The following TYW1 variants were observed in gnomAD, a reference collection of about 807,000 sequenced individuals.
TYW1 encodes tRNA-yW synthesizing protein 1 homolog.
In TYW1, 46 loss-of-function variants were observed where a neutral mutation model predicts 96.2. The observed-to-expected ratio is 0.48, with a 90% CI of 0.38 to 0.61. TYW1 has a LOEUF of 0.61. Ranked by LOEUF, TYW1 falls within the 20% of genes least tolerant of loss-of-function variation. The probability of loss-of-function intolerance (pLI) is 0.00; values close to 1 mark genes in which losing one functional copy is unlikely to be tolerated. For synonymous variants in TYW1, 274 were observed against 323.0 expected, an observed-to-expected ratio of 0.85 and a Z score of 1.63; for missense variants, 684 against 909.6, an observed-to-expected ratio of 0.75 and a Z score of 3.19.
intron 3 of TYW1, among the ~76,000 whole-genome samples, chr7:66,999,884 G>A (rs1793320349): frequency 6.6e-6 from 1 of 152,044 alleles, no homozygotes; most frequent in African/African-American, 2.4e-5. Flanking sequence ...CAGGGTCACT[G>A]TGAGGATTTA....
Position 67,183,013 on chromosome 7 carries a change from G to A in TYW1, c.1699-113G>A, listed in dbSNP as rs192923958. ...ATAGCTTCAGTTTACAAAAGTTCATGATGAGTTTTGCCTGCCCTGGGTTCT... is the reference window on the plus strand; with the variant it reads ...ATAGCTTCAGTTTACAAAAGTTCATAATGAGTTTTGCCTGCCCTGGGTTCT... On this transcript the variant is annotated intron_variant, in intron 13 of 15. Transcript: ENST00000359626. 9.9e-4 allele frequency: 725 copies of A among 735,134 alleles called. 3 individuals carry two copies. Among genetic ancestry groups the A allele is most frequent in the Non-Finnish European group, 1.4e-3 (681 of 474,762 alleles). 45.5% of individuals were successfully genotyped at this position (735,134 alleles called of 1,614,324 possible).
intron 13 of TYW1, among the ~76,000 whole-genome samples, chr7:67,176,765 A>T (rs1362082012): frequency 6.6e-6 from 1 of 152,194 alleles, no homozygotes; most frequent in East Asian, 1.9e-4. Flanking sequence ...ACGACATAAG[A>T]GAACTTGCTC....
At chr7:67,011,100 T>C (rs1482039106) in intron 4 of TYW1, among the ~76,000 whole-genome samples, 1 of 152,124 alleles carries the variant, frequency 6.6e-6, no homozygotes, top group Non-Finnish European at 1.5e-5. Flanking sequence ...TGCAGTGGTA[T>C]GATCTTGGCT....
chr7:67,011,218 A>T (rs1431932144), intron 4 of TYW1, among the ~76,000 whole-genome samples: 1 of 152,042 alleles, frequency 6.6e-6, no homozygotes, highest in Non-Finnish European at 1.5e-5. Context: ...TTGTATTTTT[A>T]GTAGAGATGG....
chr7:67,092,674 CTTTTTTTTT>C (rs3980762), intron 11 of TYW1, among the ~76,000 whole-genome samples: 10 of 92,448 alleles, frequency 1.1e-4, no homozygotes, highest in South Asian at 3.5e-4. Flanking sequence ...CTATCACCTT[CTTTTTTTTT>C]TTTTTTTTTT....
intron 13 of TYW1, among the ~76,000 whole-genome samples, chr7:67,174,713 TA>T (rs1799617061): frequency 6.6e-6 from 1 of 151,194 alleles, no homozygotes; most frequent in Admixed American, 6.6e-5. Context: ...AATAGGATTA[TA>T]AAAAAGCGGA....
chr7:67,057,155 C>T (rs1388056801), intron 9 of TYW1, among the ~76,000 whole-genome samples: 7 of 151,694 alleles, frequency 4.6e-5, no homozygotes, highest in Middle Eastern at 3.2e-3. Flanking sequence ...GCTGGGACTA[C>T]AGGCGCGCAC....
At chr7:67,082,542 G>C (rs1174719940) in intron 10 of TYW1, among the ~76,000 whole-genome samples, 1 of 152,146 alleles carries the variant, frequency 6.6e-6, no homozygotes, top group Non-Finnish European at 1.5e-5. Context: ...TGGCAGCTCT[G>C]TTGCTTATGG....
intron 11 of TYW1, chr7:67,089,361 G>T (rs1796644070): frequency 5.6e-6 from 7 of 1,239,340 alleles, no homozygotes; most frequent in Non-Finnish European, 8.3e-6. Flanking sequence ...CATTCCCAAG[G>T]CTTAGGTATC....
intron 15 of TYW1, among the ~76,000 whole-genome samples, chr7:67,212,960 C>A (rs1217880903): frequency 6.6e-6 from 1 of 152,170 alleles, no homozygotes; most frequent in Non-Finnish European, 1.5e-5. Flanking sequence ...ACTGCAACCT[C>A]TGCCCCCCAG....
At chr7:67,033,736 C>A (rs924876531) in intron 7 of TYW1, among the ~76,000 whole-genome samples, 2 of 150,004 alleles carry the variant, frequency 1.3e-5, no homozygotes, top group African/African-American at 4.9e-5. Flanking sequence ...CGCTCTGTTG[C>A]CAAGGCTGGA....
At chr7:67,044,299 T>C (rs1269909252) in intron 7 of TYW1, among the ~76,000 whole-genome samples, 1 of 152,044 alleles carries the variant, frequency 6.6e-6, no homozygotes, top group African/African-American at 2.4e-5. Flanking sequence ...GGTTTCATCA[T>C]GTTGGCCAGG....
At position 66,996,958 on chromosome 7, in the gene TYW1, C is replaced by T. The variant is rs778836915; in HGVS notation, c.-21C>T. ...GGCTATCCAGGTCCGAGATCCTAGTCTCCTGTCGGCTCTGAGGAGGATGGG... is the reference window on the plus strand; with the variant it reads ...GGCTATCCAGGTCCGAGATCCTAGTTTCCTGTCGGCTCTGAGGAGGATGGG... On this transcript the variant is annotated 5_prime_UTR_variant, in exon 1 of 16. Coordinates refer to ENST00000359626, the MANE Select transcript of TYW1 (RefSeq NM_018264.4). 14 of 1,614,036 alleles carry T rather than the reference C, an allele frequency of 8.7e-6. No individual in the cohort carries two copies. The Admixed American group carries it at 1.3e-4, about 15-fold the overall frequency.
At chr7:67,038,400 G>C (rs1794904786) in intron 7 of TYW1, among the ~76,000 whole-genome samples, 1 of 152,038 alleles carries the variant, frequency 6.6e-6, no homozygotes, top group African/African-American at 2.4e-5. Flanking sequence ...GACCCCTGGA[G>C]TTTGAGACCA....
chr7:67,009,375 C>A (rs928449215), intron 3 of TYW1, among the ~76,000 whole-genome samples: 2 of 152,108 alleles, frequency 1.3e-5, no homozygotes, highest in African/African-American at 4.8e-5. Context: ...AAACCCTGAT[C>A]GGGTGAGAAC....
chr7:67,058,533 AG>A (rs913591380), intron 9 of TYW1, among the ~76,000 whole-genome samples: 3 of 151,778 alleles, frequency 2.0e-5, no homozygotes, highest in African/African-American at 7.3e-5. Context: ...TCCAGTCTAT[AG>A]TGTAGTGGTG....
intron 13 of TYW1, among the ~76,000 whole-genome samples, chr7:67,140,207 C>T (rs1413193778): frequency 1.3e-5 from 2 of 152,194 alleles, no homozygotes; most frequent in Non-Finnish European, 2.9e-5. Context: ...CTACCAGGTC[C>T]CCCCACAACA....
At chr7:67,053,815 G>A (rs574461123) in intron 8 of TYW1, among the ~76,000 whole-genome samples, 5 of 152,282 alleles carry the variant, frequency 3.3e-5, no homozygotes, top group Admixed American at 1.3e-4. Flanking sequence ...CAGTACTTGG[G>A]CAAATACTTG....
chr7:67,013,628 G>T (rs536491092), intron 4 of TYW1, among the ~76,000 whole-genome samples: 232 of 152,080 alleles, frequency 1.5e-3, no homozygotes, highest in African/African-American at 4.5e-3. Context: ...AAGGAAGCAG[G>T]AACATGAGCT....
Sources: gnomAD v4.1 joint callset for allele counts (sites outside exome capture counted in the v4.1 genomes callset) on GRCh38, gnomAD v4.1.1 for gene constraint, MANE v1.5 for transcripts, NCBI Gene and HGNC (gene_info 2026-07-23, HGNC 2026-07-21) for gene names.